SLC9A9: variants seen among roughly 807,000 people sequenced by gnomAD.
SLC9A9 encodes the protein solute carrier family 9 member A9.
Under a neutral mutation model 77.8 loss-of-function variants are expected in SLC9A9, and 62 were observed. The observed-to-expected ratio is 0.80, with a 90% CI of 0.65 to 0.98. The LOEUF is 0.98. SLC9A9 is among the 50% of genes least tolerant of loss of function. SLC9A9 has a pLI of 0.00. For missense variants in SLC9A9, 775 were observed against 774.9 expected (o/e 1.00, Z 0.00); for synonymous variants, 320 against 283.5 (o/e 1.13, Z -1.29).
chr3:143,809,106 G>T (rs1181831261), intron 2 of SLC9A9, among the ~76,000 whole-genome samples: 1 of 152,112 alleles, frequency 6.6e-6, no homozygotes, highest in Non-Finnish European at 1.5e-5. Flanking sequence ...AAAGTTTTTA[G>T]CATAGAGATG....
chr3:143,615,897 T>TC lies in SLC9A9; in HGVS notation c.755+36357_755+36358insG, dbSNP rs1363856333. ...AACTTTAAATTTCTTTTTTTTTTTT[T>TC]TGTGACAGAGTCTCGCTCTGTTGCC... is the stretch of plus-strand genomic sequence containing the variant. On this transcript the variant is annotated intron_variant, in intron 6 of 15. Coordinates refer to ENST00000316549, the MANE Select transcript of SLC9A9 (RefSeq NM_173653.4). Among the ~76,000 whole-genome samples the TC allele has an allele frequency of 2.0e-3, 297 of 151,476 alleles. 1 individual carries two copies. Among genetic ancestry groups the TC allele is most frequent in the African/African-American group, 6.8e-3 (281 of 41,076 alleles).
intron 12 of SLC9A9, among the ~76,000 whole-genome samples, chr3:143,460,020 A>G (rs563803019): frequency 2.0e-5 from 3 of 152,192 alleles, no homozygotes; most frequent in South Asian, 4.1e-4. Flanking sequence ...ACAACAACAA[A>G]TCTAAGGCAT....
intron 14 of SLC9A9, among the ~76,000 whole-genome samples, chr3:143,297,978 G>A (rs938918700): frequency 6.6e-6 from 1 of 152,158 alleles, no homozygotes; most frequent in Non-Finnish European, 1.5e-5. Flanking sequence ...AGGAATCTCA[G>A]GCCTAACTTA....
chr3:143,662,746 G>C (rs181059531), intron 5 of SLC9A9, among the ~76,000 whole-genome samples: 77 of 152,188 alleles, frequency 5.1e-4, no homozygotes, highest in African/African-American at 1.7e-3. Flanking sequence ...CAGCCAGGCT[G>C]GGGGAGGGGT....
chr3:143,456,402 G>A (rs1177225805), intron 12 of SLC9A9, among the ~76,000 whole-genome samples: 1 of 152,018 alleles, frequency 6.6e-6, no homozygotes. Context: ...GGGTAATTCT[G>A]GCCTCTTAAA....
intron 6 of SLC9A9, among the ~76,000 whole-genome samples, chr3:143,586,678 T>C (rs1274575247): frequency 2.0e-5 from 3 of 152,242 alleles, no homozygotes; most frequent in Admixed American, 2.0e-4. Flanking sequence ...CCAAGAATTG[T>C]GTGTACACAT....
intron 4 of SLC9A9, among the ~76,000 whole-genome samples, chr3:143,777,226 C>T (rs958599641): frequency 5.9e-5 from 9 of 152,112 alleles, no homozygotes; most frequent in African/African-American, 1.2e-4. Flanking sequence ...CAGAGTTACT[C>T]GAAGATCAGC....
At chr3:143,671,177 C>A (rs2039148787) in intron 5 of SLC9A9, among the ~76,000 whole-genome samples, 1 of 152,194 alleles carries the variant, frequency 6.6e-6, no homozygotes, top group African/African-American at 2.4e-5. Flanking sequence ...ATAACATACT[C>A]TCTAGTAGAC....
At chr3:143,400,002 T>A (rs2033815845) in intron 12 of SLC9A9, among the ~76,000 whole-genome samples, 2 of 152,204 alleles carry the variant, frequency 1.3e-5, no homozygotes, top group Non-Finnish European at 1.5e-5. Flanking sequence ...CAAACCTAGA[T>A]GTAGTTCATG....
chr3:143,602,887 C>G (rs1000778513), intron 6 of SLC9A9, among the ~76,000 whole-genome samples: 2 of 152,204 alleles, frequency 1.3e-5, no homozygotes, highest in East Asian at 1.9e-4. Context: ...AATGGCATTT[C>G]CAAGATTTGT....
At chr3:143,415,406 G>A (rs2034174046) in intron 12 of SLC9A9, among the ~76,000 whole-genome samples, 1 of 152,176 alleles carries the variant, frequency 6.6e-6, no homozygotes, top group South Asian at 2.1e-4. Flanking sequence ...CTCTTGTGAG[G>A]GGCTAATGCA....
intron 4 of SLC9A9, among the ~76,000 whole-genome samples, chr3:143,791,760 C>G (rs562071792): frequency 1.3e-5 from 2 of 152,132 alleles, no homozygotes; most frequent in African/African-American, 4.8e-5. Context: ...GAATCTCTCC[C>G]CCTGCCCATT....
At chr3:143,281,746 G>T (rs1043374592) in intron 14 of SLC9A9, among the ~76,000 whole-genome samples, 2 of 152,174 alleles carry the variant, frequency 1.3e-5, no homozygotes, top group African/African-American at 2.4e-5. Context: ...GACTACAAGT[G>T]CATCCTACTT....
At chr3:143,351,648 C>T (rs1364720748) in intron 14 of SLC9A9, among the ~76,000 whole-genome samples, 2 of 152,132 alleles carry the variant, frequency 1.3e-5, no homozygotes, top group African/African-American at 4.8e-5. Context: ...CTCAATAAGG[C>T]ATATCTCTGG....
At chr3:143,537,692 G>A (rs1044830579) in intron 9 of SLC9A9, among the ~76,000 whole-genome samples, 22 of 152,264 alleles carry the variant, frequency 1.4e-4, no homozygotes, top group African/African-American at 5.3e-4. Context: ...TCAGCATTCC[G>A]GGGATGGGGT....
chr3:143,423,335 G>A (rs1302192403), intron 12 of SLC9A9, among the ~76,000 whole-genome samples: 1 of 151,256 alleles, frequency 6.6e-6, no homozygotes, highest in Non-Finnish European at 1.5e-5. Flanking sequence ...TGAAGCAGCA[G>A]TGAGCACACC....
chr3:143,486,057 C>T (rs2035648870), intron 11 of SLC9A9, among the ~76,000 whole-genome samples: 1 of 151,910 alleles, frequency 6.6e-6, no homozygotes, highest in Non-Finnish European at 1.5e-5. Flanking sequence ...TATAAGGGAT[C>T]CTTAACAAGA....
rs148820309 is a variant in SLC9A9, at chr3:143,372,405, T to C, written c.1525-8842A>G. Among the ~76,000 whole-genome samples, 11 of 151,940 alleles carry C rather than the reference T, an allele frequency of 7.2e-5. No individual in the cohort carries two copies. In the East Asian group the frequency reaches 2.1e-3, roughly 29 times the overall value. On this transcript the variant is annotated intron_variant, in intron 13 of 15. Transcript: ENST00000316549. The stretch of plus-strand genomic sequence containing the variant: ...AATGGTCTAAATGGTGCTGGGAAAA[T>C]TGGATAGCCACATGTAGAAGAATGA...
chr3:143,334,827 T>A (rs190687050), intron 14 of SLC9A9, among the ~76,000 whole-genome samples: 2 of 152,284 alleles, frequency 1.3e-5, no homozygotes, highest in Middle Eastern at 3.4e-3. Context: ...ATGAGAAGAC[T>A]ATGTAATGCA....
Sources: allele counts gnomAD v4.1 joint callset (sites outside exome capture counted in the v4.1 genomes callset), GRCh38; gene constraint gnomAD v4.1.1; transcripts MANE v1.5; gene names NCBI Gene and HGNC (gene_info 2026-07-23, HGNC 2026-07-21).